TGFB2: variants seen among roughly 807,000 people sequenced by gnomAD.
TGFB2 encodes transforming growth factor beta 2.
TGFB2 carries 13 observed loss-of-function variants against 42.7 expected under a neutral mutation model. The ratio of observed to expected loss-of-function variants is 0.30; its 90% CI spans 0.20 to 0.48. TGFB2 has a LOEUF of 0.48. Ranked by LOEUF, TGFB2 falls within the 20% of genes least tolerant of loss-of-function variation. The pLI is 0.99. For missense variants in TGFB2, 390 were observed against 517.5 expected, an observed-to-expected ratio of 0.75 and a Z score of 2.39; for synonymous variants, 193 against 193.6, an observed-to-expected ratio of 1.00 and a Z score of 0.03.
chr1:218,402,820 C>T (rs1336736439), intron 1 of TGFB2, among the ~76,000 whole-genome samples: 1 of 152,174 alleles, frequency 6.6e-6, no homozygotes, highest in Admixed American at 6.5e-5. Context: ...CTGTCTAATG[C>T]GGAGGCTCTG....
chr1:218,379,083 T>A (rs1657857176), intron 1 of TGFB2, among the ~76,000 whole-genome samples: 1 of 151,904 alleles, frequency 6.6e-6, no homozygotes, highest in Admixed American at 6.6e-5. Flanking sequence ...GTACCTTTAA[T>A]TATAAAAGCA....
intron 1 of TGFB2, among the ~76,000 whole-genome samples, chr1:218,386,874 T>C (rs1364480306): frequency 6.6e-6 from 1 of 152,210 alleles, no homozygotes; most frequent in East Asian, 1.9e-4. Flanking sequence ...TTAATCCTTA[T>C]GGCAATTCTT....
chr1:218,440,777 G>A (rs1015585971), intron 6 of TGFB2, among the ~76,000 whole-genome samples: 6 of 152,264 alleles, frequency 3.9e-5, no homozygotes, highest in African/African-American at 1.2e-4. Flanking sequence ...AATCTAGATG[G>A]GATTGAAATG....
intron 2 of TGFB2, among the ~76,000 whole-genome samples, chr1:218,408,023 A>G (rs541028730): frequency 4.1e-4 from 62 of 152,350 alleles, no homozygotes; most frequent in African/African-American, 1.5e-3. Context: ...TTTTTTACCA[A>G]TTAAATCACC....
At chr1:218,409,944 C>T (rs1244488485) in intron 2 of TGFB2, among the ~76,000 whole-genome samples, 2 of 152,176 alleles carry the variant, frequency 1.3e-5, no homozygotes, top group African/African-American at 2.4e-5. Flanking sequence ...TGCACACGTG[C>T]CTGTGAACTT....
chr1:218,357,623 A>G (rs1571831754), intron 1 of TGFB2, among the ~76,000 whole-genome samples: 2 of 152,338 alleles, frequency 1.3e-5, no homozygotes, highest in Admixed American at 1.3e-4. Context: ...TGTTCCCTCA[A>G]CCACAATGAC....
At position 218,345,822 on chromosome 1, in the gene TGFB2, A is replaced by C. The variant is rs2102525814; in HGVS notation, c.-880A>C. Reference sequence around the variant, plus strand: ...CAAGAGAAGGAGGAGCAGGAGAAGGAGGGAGCTGGAGGCTGGAAGCGTTTG... The same window carrying C: ...CAAGAGAAGGAGGAGCAGGAGAAGGCGGGAGCTGGAGGCTGGAAGCGTTTG... On this transcript the variant is annotated 5_prime_UTR_variant, in exon 1 of 7. Coordinates refer to ENST00000366930, the MANE Select transcript of TGFB2 (RefSeq NM_003238.6). 6.5e-6 allele frequency: 1 copy of C among 153,030 alleles called. No homozygotes were observed. Among genetic ancestry groups the C allele is most frequent in the Admixed American group, 6.5e-5 (1 of 15,306 alleles). 9.5% of individuals were successfully genotyped at this position (153,030 alleles called of 1,614,324 possible). A position where few individuals can be genotyped will look rare whatever the true frequency, so the allele number is the denominator to read the frequency against.
intron 2 of TGFB2, among the ~76,000 whole-genome samples, chr1:218,410,944 T>C (rs1327705683): frequency 6.6e-6 from 1 of 152,208 alleles, no homozygotes; most frequent in East Asian, 1.9e-4. Flanking sequence ...TGTCTTGGAG[T>C]TGGATAAATC....
chr1:218,355,878 G>T (rs878991459), intron 1 of TGFB2, among the ~76,000 whole-genome samples: 1 of 152,190 alleles, frequency 6.6e-6, no homozygotes, highest in Non-Finnish European at 1.5e-5. Context: ...TTATAAGAGA[G>T]AATCTGGATT....
chr1:218,390,242 C>A (rs1179760843), intron 1 of TGFB2, among the ~76,000 whole-genome samples: 2 of 152,056 alleles, frequency 1.3e-5, no homozygotes, highest in Admixed American at 1.3e-4. Flanking sequence ...GCTTTGGGAA[C>A]CACCTGAGTT....
At chr1:218,347,462 C>T (rs888361954) in intron 1 of TGFB2, among the ~76,000 whole-genome samples, 2 of 152,042 alleles carry the variant, frequency 1.3e-5, no homozygotes, top group African/African-American at 2.4e-5. Flanking sequence ...AACTGGTGCA[C>T]GAAGGGTTAA....
At chr1:218,383,492 C>T (rs567165039) in intron 1 of TGFB2, among the ~76,000 whole-genome samples, 1 of 152,114 alleles carries the variant, frequency 6.6e-6, no homozygotes, top group South Asian at 2.1e-4. Flanking sequence ...TTTTCATTTT[C>T]TTTGTTGGGA....
rs1354730991 is a variant in TGFB2 at position 218,443,292 on chromosome 1, A to G, written c.*1930A>G. The G allele has an allele frequency of 6.6e-6, 1 of 152,212 alleles. No individual in the cohort carries two copies. The highest frequency in any genetic ancestry group is 1.5e-5 in the Non-Finnish European group (1 of 68,030). 9.4% of individuals were successfully genotyped at this position (152,212 alleles called of 1,614,324 possible). On this transcript the variant is annotated 3_prime_UTR_variant, in exon 7 of 7. Coordinates refer to ENST00000366930, the MANE Select transcript of TGFB2 (RefSeq NM_003238.6). ...TATGTCAGTTTATCACTTGTCGCTTATTTAGCTTTAAAATAAAAATTAATA... is the reference window on the plus strand; with the variant it reads ...TATGTCAGTTTATCACTTGTCGCTTGTTTAGCTTTAAAATAAAAATTAATA...
At chr1:218,432,450 T>C (rs1001155481) in intron 2 of TGFB2, among the ~76,000 whole-genome samples, 1 of 152,312 alleles carries the variant, frequency 6.6e-6, no homozygotes, top group African/African-American at 2.4e-5. Context: ...AAGGGTCTAA[T>C]TGTATGAATC....
chr1:218,392,398 G>T (rs1362511141), intron 1 of TGFB2, among the ~76,000 whole-genome samples: 1 of 152,176 alleles, frequency 6.6e-6, no homozygotes, highest in African/African-American at 2.4e-5. Context: ...CTTGATCTAA[G>T]TAGGATCGAG....
chr1:218,390,067 C>G (rs942815878), intron 1 of TGFB2, among the ~76,000 whole-genome samples: 1 of 152,218 alleles, frequency 6.6e-6, no homozygotes, highest in Non-Finnish European at 1.5e-5. Flanking sequence ...CACCCTCACA[C>G]ATTTATAAAC....
intron 1 of TGFB2, among the ~76,000 whole-genome samples, chr1:218,387,520 A>T (rs1658176932): frequency 1.3e-5 from 2 of 152,138 alleles, no homozygotes; most frequent in Non-Finnish European, 2.9e-5. Context: ...AAGGGCAGGT[A>T]GTGTCTCTCC....
Position 218,391,010 on chromosome 1 carries a change from T to C in TGFB2, c.347-14159T>C, listed in dbSNP as rs60653986. On this transcript the variant is annotated intron_variant, in intron 1 of 6. Transcript: ENST00000366930. ...ATATGGATATCTGGTAACTTAACGT[T>C]TCTTCCGAGCAATGCTTACTCCCTA... is the stretch of plus-strand genomic sequence containing the variant. Among the ~76,000 whole-genome samples, 898 of 152,346 alleles carry C rather than the reference T, an allele frequency of 5.9e-3. 10 individuals carry two copies. Among genetic ancestry groups the C allele is most frequent in the African/African-American group, 0.021 (874 of 41,584 alleles).
chr1:218,436,198 C>T (rs1659968009), intron 5 of TGFB2, 51 bp downstream of exon 5: 2 of 1,578,070 alleles, frequency 1.3e-6, no homozygotes, highest in South Asian at 2.4e-5. Context: ...AACTCTTAAA[C>T]TGCCTTTGCC....
Sources: allele counts gnomAD v4.1 joint callset (sites outside exome capture counted in the v4.1 genomes callset), GRCh38; gene constraint gnomAD v4.1.1; transcripts MANE v1.5; gene names NCBI Gene and HGNC (gene_info 2026-07-23, HGNC 2026-07-21).